CHD9: variants seen among roughly 807,000 people sequenced by gnomAD.
CHD9 encodes ATP-dependent chromatin remodeler CHD9.
CHD9 carries 77 observed loss-of-function variants against 316.1 expected under a neutral mutation model. That is an observed-to-expected ratio of 0.24 (90% CI 0.20 to 0.29). The LOEUF (loss-of-function observed/expected upper bound fraction) is 0.29, where lower values mean the gene tolerates loss of function less well. Ranked by LOEUF, CHD9 falls within the 10% of genes least tolerant of loss-of-function variation. The pLI, the probability that CHD9 is intolerant of heterozygous loss-of-function variation, is 1.00. For synonymous variants in CHD9, 1,129 were observed against 1,158.3 expected (o/e 0.97, Z 0.51); for missense variants, 2,763 against 3,438.1 (o/e 0.80, Z 4.91).
At chr16:53,075,798 C>A (rs2034473827) in intron 1 of CHD9, among the ~76,000 whole-genome samples, 1 of 152,196 alleles carries the variant, frequency 6.6e-6, no homozygotes, top group South Asian at 2.1e-4. Context: ...TGGACTAATA[C>A]ATATGGTAAT....
intron 2 of CHD9, among the ~76,000 whole-genome samples, chr16:53,183,469 CAG>C (rs1447787632): frequency 2.0e-5 from 3 of 152,122 alleles, no homozygotes; most frequent in African/African-American, 7.2e-5. Context: ...ATTTAAAAGA[CAG>C]AGATTTGAAG....
intron 2 of CHD9, among the ~76,000 whole-genome samples, chr16:53,159,872 C>T (rs576339258): frequency 7.0e-4 from 107 of 152,230 alleles, no homozygotes; most frequent in Admixed American, 2.0e-3. Context: ...CGGCCTTGAC[C>T]TCCCAAAGTA....
intron 24 of CHD9, among the ~76,000 whole-genome samples, chr16:53,277,343 A>G (rs2052944887): frequency 6.6e-6 from 1 of 152,214 alleles, no homozygotes; most frequent in Non-Finnish European, 1.5e-5. Flanking sequence ...ATGAACATAC[A>G]TGCAAAAATC....
intron 1 of CHD9, among the ~76,000 whole-genome samples, chr16:53,071,843 T>C (rs1209397371): frequency 6.6e-6 from 1 of 152,168 alleles, no homozygotes; most frequent in Non-Finnish European, 1.5e-5. Context: ...CCAGCCCTAC[T>C]CAGGCATTTC....
chr16:53,231,724 T>G lies in CHD9; in HGVS notation c.2451T>G (p.Asp817Glu), dbSNP rs1269703262. ...CTTGGGAACTAAAAGAAGATGTAGA[T>G]CTTGCAAAAATAGAAGAGTTTGAAC... ...DSTWELKEDV[D>E]LAKIEEFEQL... The change falls in exon 10 of 39, where the codon GAT (aspartate) becomes GAG (glutamate). Residue 817 changes from aspartate (D) to glutamate (E), a missense_variant. Asp to Glu is a conservative substitution (Grantham distance 45). Transcript: ENST00000447540. 3 of 1,612,408 alleles carry G rather than the reference T, an allele frequency of 1.9e-6. No homozygotes were observed. The highest frequency in any genetic ancestry group is 2.5e-6 in the Non-Finnish European group (3 of 1,178,910).
At chr16:53,087,890 G>A (rs2035596988) in intron 1 of CHD9, among the ~76,000 whole-genome samples, 1 of 151,800 alleles carries the variant, frequency 6.6e-6, no homozygotes, top group Non-Finnish European at 1.5e-5. Context: ...TGAGTTTGCA[G>A]TGAGCCGAGA....
intron 1 of CHD9, among the ~76,000 whole-genome samples, chr16:53,139,677 A>G (rs151067954): frequency 6.6e-6 from 1 of 152,208 alleles, no homozygotes; most frequent in Non-Finnish European, 1.5e-5. Flanking sequence ...GGAAAGCTAC[A>G]TTTAGTTAAG....
At chr16:53,084,603 C>T (rs1302555140) in intron 1 of CHD9, among the ~76,000 whole-genome samples, 3 of 152,056 alleles carry the variant, frequency 2.0e-5, no homozygotes, top group Non-Finnish European at 2.9e-5. Context: ...ATTAGCCGGG[C>T]GTGGTGGTAG....
chr16:53,083,865 C>T (rs1453120408), intron 1 of CHD9, among the ~76,000 whole-genome samples: 1 of 152,058 alleles, frequency 6.6e-6, no homozygotes, highest in Non-Finnish European at 1.5e-5. Context: ...ATCCTCCCAC[C>T]TCAGCTTGCC....
intron 1 of CHD9, among the ~76,000 whole-genome samples, chr16:53,099,568 T>C (rs1000605938): frequency 2.0e-5 from 3 of 152,134 alleles, no homozygotes. Flanking sequence ...CATCTTATCC[T>C]TCCTTCTGCC....
intron 1 of CHD9, among the ~76,000 whole-genome samples, chr16:53,125,922 A>G (rs2038950376): frequency 6.6e-6 from 1 of 152,208 alleles, no homozygotes; most frequent in Admixed American, 6.5e-5. Flanking sequence ...TTTATTTGCA[A>G]ATATTTTCTC....
At chr16:53,202,331 T>C (rs2045528193) in intron 2 of CHD9, among the ~76,000 whole-genome samples, 1 of 152,136 alleles carries the variant, frequency 6.6e-6, no homozygotes, top group Non-Finnish European at 1.5e-5. Context: ...TTAGAAAACA[T>C]ATAAACCAAA....
intron 19 of CHD9, among the ~76,000 whole-genome samples, chr16:53,257,836 C>T (rs1402839219): frequency 6.6e-6 from 1 of 152,088 alleles, no homozygotes; most frequent in East Asian, 1.9e-4. Flanking sequence ...CTAGTCATGA[C>T]TAAGTAGATG....
At chr16:53,193,483 A>G (rs2044645768) in intron 2 of CHD9, among the ~76,000 whole-genome samples, 1 of 152,040 alleles carries the variant, frequency 6.6e-6, no homozygotes, top group Non-Finnish European at 1.5e-5. Context: ...TAACCATCCA[A>G]ATAGATGTAG....
intron 3 of CHD9, among the ~76,000 whole-genome samples, chr16:53,222,196 C>A (rs2047302678): frequency 6.6e-6 from 1 of 152,130 alleles, no homozygotes; most frequent in African/African-American, 2.4e-5. Flanking sequence ...CCTGCCTCAG[C>A]CTCCCAAGTA....
At chr16:53,094,477 A>C (rs2036218325) in intron 1 of CHD9, among the ~76,000 whole-genome samples, 1 of 152,092 alleles carries the variant, frequency 6.6e-6, no homozygotes, top group African/African-American at 2.4e-5. Context: ...CGGTGACCCC[A>C]GGTGACAATT....
In CHD9 at chr16:53,304,177, G is replaced by C. The variant is rs371235557; in HGVS notation, c.6171G>C (p.Gln2057His). 2.5e-6 allele frequency: 4 copies of C among 1,612,208 alleles called. No homozygotes were observed. In the African/African-American group the frequency reaches 5.3e-5, roughly 22 times the overall value. Residue 2057 changes from glutamine (Q) to histidine (H), a missense_variant, in exon 31 of 39, where the codon CAG becomes CAC. Around this residue, in one of 15 missense-constraint regions of CHD9, gnomAD observed 663 missense variants for 751.2 expected, o/e 0.88. Coordinates refer to ENST00000447540, the MANE Select transcript of CHD9 (RefSeq NM_001308319.2). The part of the protein sequence containing the change: ...VKSENLKEEP[Q>H]SSEEESMSSV... ...GTGAAAACCTTAAAGAGGAGCCTCAGTCTTCTGAAGAAGAATCTATGTCTT... is the reference window on the plus strand; with the variant it reads ...GTGAAAACCTTAAAGAGGAGCCTCACTCTTCTGAAGAAGAATCTATGTCTT...
rs184926767 is a variant in CHD9, at chr16:53,298,014, T to A, written c.5713+856T>A. ...TAGTTGGCAAGAGGCCCTCATTTTT[T>A]AAAAATTTTCTTAATTCCCATCAAT... is the stretch of plus-strand genomic sequence containing the variant. On this transcript the variant is annotated intron_variant, in intron 30 of 38. Coordinates refer to ENST00000447540, the MANE Select transcript of CHD9 (RefSeq NM_001308319.2). Among the ~76,000 whole-genome samples the A allele has an allele frequency of 7.3e-3, 1,106 of 152,352 alleles. 13 individuals carry two copies. Among genetic ancestry groups the A allele is most frequent in the African/African-American group, 0.025 (1,053 of 41,580 alleles).
intron 1 of CHD9, among the ~76,000 whole-genome samples, chr16:53,092,882 G>T (rs1384893499): frequency 6.6e-6 from 1 of 152,084 alleles, no homozygotes; most frequent in Non-Finnish European, 1.5e-5. Flanking sequence ...AACCTTAAGT[G>T]ATCCTCCCAT....
Sources: gnomAD v4.1 joint callset for allele counts (sites outside exome capture counted in the v4.1 genomes callset) on GRCh38, gnomAD v4.1.1 for gene constraint, gnomAD v4.1.1 regional missense constraint, MANE v1.5 for transcripts, NCBI Gene and HGNC (gene_info 2026-07-23, HGNC 2026-07-21) for gene names.